The following LPA variants were observed in gnomAD, a reference collection of about 807,000 sequenced individuals.
LPA encodes lipoprotein(a), also known as apolipoprotein(a).
LPA carries 199 observed loss-of-function variants against 197.9 expected under a neutral mutation model. The observed-to-expected ratio is 1.01, with a 90% CI of 0.90 to 1.13. The LOEUF (loss-of-function observed/expected upper bound fraction) is 1.13, where lower values mean the gene tolerates loss of function less well. Among genes scored for constraint, LPA ranks in the 50% most tolerant of loss-of-function variants. The probability of loss-of-function intolerance (pLI) is 0.00; values close to 1 mark genes in which losing one functional copy is unlikely to be tolerated. For missense variants in LPA, 1,853 were observed against 1,785.8 expected, an observed-to-expected ratio of 1.04 and a Z score of -0.68; for synonymous variants, 715 against 639.5, an observed-to-expected ratio of 1.12 and a Z score of -1.78.
Position 160,585,220 on chromosome 6 carries a change from G to T in LPA, c.4130-15C>A. 1 of 1,613,470 alleles carries T rather than the reference G, an allele frequency of 6.2e-7. No individual in the cohort carries two copies. Among genetic ancestry groups the T allele is most frequent in the South Asian group, 1.1e-5 (1 of 91,070 alleles). ...TTCAGTTGGTGCTGAAATTAAAAGA[G>T]AAAATCAAGCTCAGTATTGCCTAGA... On this transcript the variant is annotated splice_polypyrimidine_tract_variant and intron_variant, in intron 25 of 38. Coordinates refer to ENST00000316300, the MANE Select transcript of LPA (RefSeq NM_005577.4).
intron 16 of LPA, among the ~76,000 whole-genome samples, chr6:160,608,742 T>C (rs1181200816): frequency 1.3e-5 from 2 of 152,106 alleles, no homozygotes; most frequent in Non-Finnish European, 2.9e-5. Flanking sequence ...TTGCTTCCCA[T>C]ATGCAGGAAA....
At chr6:160,653,167 C>A (rs867691455) in intron 1 of LPA, among the ~76,000 whole-genome samples, 1 of 151,946 alleles carries the variant, frequency 6.6e-6, no homozygotes, top group African/African-American at 2.4e-5. Context: ...TTCAGAACAA[C>A]GAATACTTCC....
At chr6:160,577,004 G>A in intron 28 of LPA, 132 bp downstream of exon 28, 1 of 1,039,270 alleles carries the variant, frequency 9.6e-7, no homozygotes, top group Non-Finnish European at 1.5e-6. Flanking sequence ...CAAAAGCAAA[G>A]GTCCTGAGAC....
intron 2 of LPA, among the ~76,000 whole-genome samples, chr6:160,647,811 G>T (rs1399909477): frequency 2.6e-5 from 4 of 152,062 alleles, no homozygotes; most frequent in Admixed American, 2.6e-4. Context: ...AAATATATTG[G>T]TATCATTTTG....
chr6:160,584,170 T>TTCTTC (rs1778851184), intron 26 of LPA, among the ~76,000 whole-genome samples: 1 of 103,170 alleles, frequency 9.7e-6, no homozygotes, highest in Non-Finnish European at 2.0e-5. Context: ...TCATTTCTAT[T>TTCTTC]TTCTTCTTCT....
intron 33 of LPA, among the ~76,000 whole-genome samples, chr6:160,544,669 C>T (rs1291517052): frequency 6.6e-6 from 1 of 152,134 alleles, no homozygotes; most frequent in African/African-American, 2.4e-5. Flanking sequence ...CCACAAGCAA[C>T]CAAATTACAC....
chr6:160,587,749 C>CTTTG (rs1778938333), intron 24 of LPA, among the ~76,000 whole-genome samples: 1 of 108,784 alleles, frequency 9.2e-6, no homozygotes, highest in Non-Finnish European at 1.9e-5. Flanking sequence ...TAGGTTCAGT[C>CTTTG]TTTGTGTGTG....
intron 20 of LPA, 73 bp downstream of exon 20, chr6:160,599,427 C>T (rs566264387): frequency 5.6e-6 from 9 of 1,595,626 alleles, no homozygotes; most frequent in South Asian, 2.2e-5. Flanking sequence ...GAGCAGTCAC[C>T]TTGAAGCATG....
At chr6:160,591,619 G>C (rs1779031644) in intron 22 of LPA, among the ~76,000 whole-genome samples, 1 of 152,052 alleles carries the variant, frequency 6.6e-6, no homozygotes, top group Non-Finnish European at 1.5e-5. Context: ...ATATCTTCTT[G>C]TCAGCTTTCA....
At chr6:160,598,617 C>T (rs1779176273) in intron 20 of LPA, among the ~76,000 whole-genome samples, 1 of 152,322 alleles carries the variant, frequency 6.6e-6, no homozygotes, top group East Asian at 1.9e-4. Context: ...CAGATCATGG[C>T]TTCTGTCCAT....
At chr6:160,606,718 C>T (rs1302355323) in intron 16 of LPA, 60 bp from the exon 17 acceptor site, 1 of 1,587,188 alleles carries the variant, frequency 6.3e-7, no homozygotes, top group Non-Finnish European at 8.7e-7. Flanking sequence ...GGGCACCCCA[C>T]ACCCTCTCCT....
chr6:160,586,498 T>A lies in LPA; in HGVS notation c.4080A>T (p.Thr1360=), dbSNP rs1177900343. 6.2e-7 allele frequency: 1 copy of A among 1,613,820 alleles called. No individual in the cohort carries two copies. The highest frequency in any genetic ancestry group is 1.1e-5 in the South Asian group (1 of 91,074). ...QCPVMESTLL[T]TPTVVPVPST... is the part of the protein sequence containing the mutation. ...TTGGAACTGGGACCACCGTGGGAGT[T>A]GTGAGGAGAGTTGATTCCATCACTG... Residue 1360 remains threonine, a synonymous_variant, in exon 25 of 39, where the codon ACA becomes ACT. Transcript: ENST00000316300.
At chr6:160,601,929 G>A (rs1019843009) in intron 18 of LPA, among the ~76,000 whole-genome samples, 1 of 152,204 alleles carries the variant, frequency 6.6e-6, no homozygotes, top group Non-Finnish European at 1.5e-5. Flanking sequence ...GGCAGACTAT[G>A]AGGTCTGAAG....
intron 32 of LPA, among the ~76,000 whole-genome samples, chr6:160,547,465 A>T (rs1778090489): frequency 6.6e-6 from 1 of 152,176 alleles, no homozygotes. Flanking sequence ...TGTGCAGCCC[A>T]GTTCCTAACA....
intron 28 of LPA, among the ~76,000 whole-genome samples, chr6:160,574,286 G>T (rs560663391): frequency 9.2e-5 from 14 of 151,810 alleles, no homozygotes; most frequent in Non-Finnish European, 1.6e-4. Context: ...GTTTCCAGGT[G>T]GGGGGAAAGT....
intron 16 of LPA, among the ~76,000 whole-genome samples, chr6:160,610,144 G>C (rs904183214): frequency 4.0e-5 from 6 of 151,864 alleles, no homozygotes; most frequent in Non-Finnish European, 7.4e-5. Context: ...TTATTTTCTG[G>C]TCATGGATCA....
At chr6:160,562,634 G>A (rs1778382204) in intron 28 of LPA, among the ~76,000 whole-genome samples, 1 of 152,204 alleles carries the variant, frequency 6.6e-6, no homozygotes, top group African/African-American at 2.4e-5. Context: ...AATAGTTTCA[G>A]AAGGAATAGT....
chr6:160,583,615 C>T (rs554014711), intron 26 of LPA, among the ~76,000 whole-genome samples: 1 of 152,266 alleles, frequency 6.6e-6, no homozygotes, highest in South Asian at 2.1e-4. Flanking sequence ...TCTTTGTTCT[C>T]CTTTCTCTCT....
intron 33 of LPA, among the ~76,000 whole-genome samples, chr6:160,544,196 G>T (rs774648334): frequency 4.6e-5 from 7 of 152,126 alleles, no homozygotes; most frequent in Non-Finnish European, 8.8e-5. Flanking sequence ...AGTCAGACTG[G>T]GCTTAAATTC....
Sources: gnomAD v4.1 joint callset for allele counts (sites outside exome capture counted in the v4.1 genomes callset) on GRCh38, gnomAD v4.1.1 for gene constraint, MANE v1.5 for transcripts, NCBI Gene and HGNC (gene_info 2026-07-23, HGNC 2026-07-21) for gene names.